The following CDH23 variants were observed in gnomAD, a reference collection of about 807,000 sequenced individuals.
The protein encoded by CDH23 is cadherin related 23.
In CDH23, 189 loss-of-function variants were observed where a neutral mutation model predicts 317.1. That is an observed-to-expected ratio of 0.60 (90% CI 0.53 to 0.67). CDH23 has a LOEUF of 0.67. Ranked by LOEUF, CDH23 falls within the 30% of genes least tolerant of loss-of-function variation. CDH23 has a pLI of 0.00. For synonymous variants in CDH23, 1,839 were observed against 1,876.8 expected, an observed-to-expected ratio of 0.98 and a Z score of 0.52; for missense variants, 4,401 against 4,592.4, an observed-to-expected ratio of 0.96 and a Z score of 1.20.
At chr10:71,788,886 T>TG in intron 44 of CDH23, 54 bp from the exon 45 acceptor site, 3 of 894,300 alleles carry the variant, frequency 3.4e-6, no homozygotes, top group Non-Finnish European at 5.7e-6. Context: ...CCCACCTAGG[T>TG]GGGGGCACTT....
chr10:71,727,653 C>T (rs1290135908), intron 30 of CDH23, among the ~76,000 whole-genome samples: 1 of 152,104 alleles, frequency 6.6e-6, no homozygotes, highest in Non-Finnish European at 1.5e-5. Context: ...TCAGGGTGTT[C>T]ACGACACATA....
intron 38 of CDH23, chr10:71,773,486 G>C (rs1417676631): frequency 2.6e-6 from 4 of 1,544,440 alleles, no homozygotes; most frequent in Middle Eastern, 1.7e-4. Flanking sequence ...GGGAGCGGGC[G>C]GGACGCGGCC....
At chr10:71,477,936 C>T (rs1392182912) in intron 3 of CDH23, among the ~76,000 whole-genome samples, 2 of 152,170 alleles carry the variant, frequency 1.3e-5, no homozygotes, top group East Asian at 3.9e-4. Flanking sequence ...CCAGACATCA[C>T]TACTCTATCA....
chr10:71,576,785 C>T (rs1375038624), intron 8 of CDH23, among the ~76,000 whole-genome samples: 2 of 152,172 alleles, frequency 1.3e-5, no homozygotes, highest in East Asian at 1.9e-4. Context: ...GGCGACTCAG[C>T]GAGTGGTGGC....
At chr10:71,454,402 C>G (rs1473803382) in intron 3 of CDH23, among the ~76,000 whole-genome samples, 1 of 152,232 alleles carries the variant, frequency 6.6e-6, no homozygotes, top group Non-Finnish European at 1.5e-5. Context: ...TTTAATGTGT[C>G]AGACAAGCTT....
intron 11 of CDH23, among the ~76,000 whole-genome samples, chr10:71,642,652 C>T (rs1028813494): frequency 2.6e-5 from 4 of 151,792 alleles, no homozygotes; most frequent in Non-Finnish European, 4.4e-5. Flanking sequence ...CACCCACCTC[C>T]GCTTCCCGAC....
rs573226639 is a variant in CDH23 at position 71,590,318 on chromosome 10, G to A, written c.832+12326G>A. 3.9e-4 allele frequency among the ~76,000 whole-genome samples: 60 copies of A among 152,344 alleles called. 1 individual carries two copies. Among genetic ancestry groups the A allele is most frequent in the African/African-American group, 1.3e-3 (54 of 41,570 alleles). On this transcript the variant is annotated intron_variant, in intron 9 of 69. Transcript: ENST00000224721. The stretch of plus-strand genomic sequence containing the variant: ...AAATTATTGCTCAACATCTGATTCT[G>A]TTGGGCTGTGCCCCCATCCCAGCCT...
chr10:71,663,980 G>A (rs12763077), intron 14 of CDH23, among the ~76,000 whole-genome samples: 38,658 of 148,910 alleles, frequency 0.26, 5,309 homozygotes, highest in Middle Eastern at 0.35. Context: ...CAGCCTCGGC[G>A]ACAGAGTGAG....
At chr10:71,406,244 ACAC>A in intron 1 of CDH23, among the ~76,000 whole-genome samples, 1 of 152,296 alleles carries the variant, frequency 6.6e-6, no homozygotes, top group Middle Eastern at 3.4e-3. Context: ...GCAGGGAGTG[ACAC>A]AGCCTAGAAA....
intron 2 of CDH23, among the ~76,000 whole-genome samples, chr10:71,440,699 T>C (rs977804717): frequency 6.6e-6 from 1 of 152,168 alleles, no homozygotes; most frequent in African/African-American, 2.4e-5. Context: ...GCTTCTCGCT[T>C]GGCCCCTGGA....
intron 6 of CDH23, among the ~76,000 whole-genome samples, chr10:71,546,544 A>C (rs769305688): frequency 1.3e-5 from 2 of 152,202 alleles, no homozygotes; most frequent in Non-Finnish European, 2.9e-5. Flanking sequence ...TTTCCAGAGG[A>C]GGTGATAAAC....
Position 71,803,047 on chromosome 10 carries a change from G to C in CDH23, c.7632G>C (p.Leu2544Phe), listed in dbSNP as rs775191895. ...AGGATGAAGGTCCCAATGGAGAGTTGACCTACTCACTTGAGGGCCCTGGCG... is the reference window on the plus strand; with the variant it reads ...AGGATGAAGGTCCCAATGGAGAGTTCACCTACTCACTTGAGGGCCCTGGCG... ...TDQDEGPNGE[L>F]TYSLEGPGVE... is the part of the protein sequence containing the mutation. The change falls in exon 54 of 70, where the codon TTG becomes TTC. Residue 2544 changes from leucine to phenylalanine, a missense_variant. Around this residue, in one of 3 missense-constraint regions of CDH23, gnomAD observed 1,144 missense variants for 1,138.2 expected, o/e 1.01. Coordinates refer to ENST00000224721, the MANE Select transcript of CDH23 (RefSeq NM_022124.6). The C allele has an allele frequency of 6.2e-7, 1 of 1,612,728 alleles. No individual in the cohort carries two copies. The highest frequency in any genetic ancestry group is 8.5e-7 in the Non-Finnish European group (1 of 1,178,942).
At position 71,724,111 on chromosome 10, in the gene CDH23, T is replaced by C; in HGVS notation, c.3430+6T>C. 1 of 1,555,692 alleles carries C rather than the reference T, an allele frequency of 6.4e-7. No individual in the cohort carries two copies. The highest frequency in any genetic ancestry group is 8.7e-7 in the Non-Finnish European group (1 of 1,149,214). ...GTGGTACCGCATCCTCCATGGTAAG[T>C]GGGGCTGCCCTAGGATGGGGGGCGG... On this transcript the variant is annotated splice_donor_region_variant and intron_variant, in intron 29 of 69. Coordinates refer to ENST00000224721, the MANE Select transcript of CDH23 (RefSeq NM_022124.6).
At chr10:71,421,780 G>T (rs568185728) in intron 1 of CDH23, among the ~76,000 whole-genome samples, 51 of 152,228 alleles carry the variant, frequency 3.4e-4, no homozygotes, top group Non-Finnish European at 6.5e-4. Context: ...GAGGGAGAAG[G>T]CTAGAAAATA....
In CDH23 at chr10:71,735,883, C is replaced by T. The variant is rs550761566; in HGVS notation, c.4209+1225C>T. 7.7e-4 allele frequency among the ~76,000 whole-genome samples: 118 copies of T among 152,342 alleles called. 3 individuals are homozygous for T. The South Asian group carries it at 0.023, about 29-fold the overall frequency. On this transcript the variant is annotated intron_variant, in intron 34 of 69. Transcript: ENST00000224721. ...CCCCAAGGGCAGCCGGTGAGCAGAG[C>T]GCTCGGGCAGTGGGTGCCGAGCCAC...
chr10:71,745,588 A>C (rs1476203715), intron 38 of CDH23, among the ~76,000 whole-genome samples: 2 of 152,216 alleles, frequency 1.3e-5, no homozygotes, highest in African/African-American at 4.8e-5. Context: ...CCTGCAGCCC[A>C]CAGTGCCTAC....
intron 6 of CDH23, among the ~76,000 whole-genome samples, chr10:71,560,306 T>G (rs1037658666): frequency 6.6e-6 from 1 of 152,216 alleles, no homozygotes; most frequent in Non-Finnish European, 1.5e-5. Context: ...GCCCATTTTC[T>G]TATTCTCAGT....
chr10:71,701,884 CG>C, intron 22 of CDH23, 137 bp from the exon 23 acceptor site: 1 of 848,834 alleles, frequency 1.2e-6, no homozygotes, highest in East Asian at 2.7e-5. Flanking sequence ...CCGGGCCCAG[CG>C]GGGATGCCCA....
chr10:71,588,125 G>T (rs1176330550), intron 9 of CDH23, among the ~76,000 whole-genome samples: 2 of 152,180 alleles, frequency 1.3e-5, no homozygotes, highest in Non-Finnish European at 2.9e-5. Context: ...GCCAGATGGA[G>T]TTCTAGTTAC....
Sources: gnomAD v4.1 joint callset for allele counts (sites outside exome capture counted in the v4.1 genomes callset) on GRCh38, gnomAD v4.1.1 for gene constraint, gnomAD v4.1.1 regional missense constraint, MANE v1.5 for transcripts, NCBI Gene and HGNC (gene_info 2026-07-23, HGNC 2026-07-21) for gene names.